The following ARHGEF28 variants were observed in gnomAD, a reference collection of about 807,000 sequenced individuals.
ARHGEF28 encodes Rho guanine nucleotide exchange factor 28.
A neutral mutation model predicts 206.6 loss-of-function variants in ARHGEF28; 152 were observed. The ratio of observed to expected loss-of-function variants is 0.74; its 90% confidence interval spans 0.64 to 0.84. The LOEUF (loss-of-function observed/expected upper bound fraction) is 0.84. Among genes scored for constraint, ARHGEF28 ranks in the 40% least tolerant of loss-of-function variants. The probability of loss-of-function intolerance (pLI) is 0.00; values close to 1 mark genes in which losing one functional copy is unlikely to be tolerated. For synonymous variants in ARHGEF28, 763 were observed against 776.4 expected, an observed-to-expected ratio of 0.98 and a Z score of 0.29; for missense variants, 2,028 against 2,073.2, an observed-to-expected ratio of 0.98 and a Z score of 0.42.
intron 30 of ARHGEF28, chr5:73,900,931 G>C (rs1292204405): frequency 2.8e-6 from 1 of 357,244 alleles, no homozygotes; most frequent in Non-Finnish European, 5.3e-6. Context: ...GTGCAAGAAA[G>C]AAAAGTACAA....
intron 1 of ARHGEF28, among the ~76,000 whole-genome samples, chr5:73,642,578 A>G (rs928492097): frequency 1.4e-4 from 21 of 150,282 alleles, no homozygotes; most frequent in African/African-American, 4.6e-4. Flanking sequence ...TCATTCGGTC[A>G]CTCCCAAGGA....
At chr5:73,893,539 T>C (rs986823393) in intron 28 of ARHGEF28, among the ~76,000 whole-genome samples, 2 of 152,220 alleles carry the variant, frequency 1.3e-5, no homozygotes, top group Non-Finnish European at 2.9e-5. Context: ...CTGTGGGCAG[T>C]GTGGTGCAGA....
intron 35 of ARHGEF28, among the ~76,000 whole-genome samples, chr5:73,913,043 T>C (rs1025013942): frequency 5.9e-5 from 9 of 152,246 alleles, no homozygotes; most frequent in African/African-American, 2.2e-4. Context: ...TTAAACCATT[T>C]GGCAGCATAC....
At chr5:73,671,742 T>A (rs867142578) in intron 1 of ARHGEF28, among the ~76,000 whole-genome samples, 86 of 16,280 alleles carry the variant, frequency 5.3e-3, no homozygotes, top group African/African-American at 0.014. Flanking sequence ...ATATATATTT[T>A]TTTTTTTTTT....
At chr5:73,911,948 A>G (rs1762932174) in intron 35 of ARHGEF28, among the ~76,000 whole-genome samples, 1 of 152,126 alleles carries the variant, frequency 6.6e-6, no homozygotes, top group South Asian at 2.1e-4. Context: ...ACTCAGAAAT[A>G]ATAACAGATA....
intron 9 of ARHGEF28, among the ~76,000 whole-genome samples, chr5:73,820,509 T>C (rs1332402493): frequency 1.3e-5 from 2 of 152,112 alleles, no homozygotes; most frequent in Non-Finnish European, 2.9e-5. Context: ...GAGTGCTTTA[T>C]TACTGGGTGT....
intron 26 of ARHGEF28, 66 bp from the exon 27 acceptor site, chr5:73,891,986 A>G (rs945457949): frequency 6.9e-7 from 1 of 1,446,420 alleles, no homozygotes; most frequent in South Asian, 1.4e-5. Context: ...CCTTTAGCTC[A>G]TGTTTTACGG....
At chr5:73,690,528 A>T (rs1402450237) in intron 2 of ARHGEF28, among the ~76,000 whole-genome samples, 18 of 143,536 alleles carry the variant, frequency 1.3e-4, no homozygotes. Flanking sequence ...GTCTTTACAA[A>T]AAAAAAAAAA....
intron 22 of ARHGEF28, among the ~76,000 whole-genome samples, chr5:73,880,154 G>A (rs879430574): frequency 4.6e-5 from 7 of 152,158 alleles, no homozygotes; most frequent in Non-Finnish European, 8.8e-5. Flanking sequence ...CCCCAGCCTC[G>A]CTGCAGACTT....
intron 2 of ARHGEF28, among the ~76,000 whole-genome samples, chr5:73,733,693 T>G (rs1750737256): frequency 6.6e-6 from 1 of 152,162 alleles, no homozygotes; most frequent in South Asian, 2.1e-4. Context: ...ATTTGACAAC[T>G]ATTACAGCAA....
chr5:73,833,813 T>C (rs1757442815), intron 10 of ARHGEF28, among the ~76,000 whole-genome samples: 1 of 152,082 alleles, frequency 6.6e-6, no homozygotes, highest in South Asian at 2.1e-4. Flanking sequence ...GAGTGCTGAG[T>C]GAAGAGGGAA....
chr5:73,760,588 AT>A (rs1752550554), intron 4 of ARHGEF28, among the ~76,000 whole-genome samples: 2 of 152,340 alleles, frequency 1.3e-5, no homozygotes, highest in South Asian at 4.1e-4. Flanking sequence ...GGCACTTGTT[AT>A]GATGGTAAAT....
At chr5:73,905,447 G>A (rs1762498268) in intron 33 of ARHGEF28, 1 of 152,116 alleles carries the variant, frequency 6.6e-6, no homozygotes, top group Non-Finnish European at 1.5e-5. Context: ...ATCTCGAAAG[G>A]ATATACATGC....
At chr5:73,823,830 A>C (rs1756736628) in intron 9 of ARHGEF28, among the ~76,000 whole-genome samples, 1 of 152,252 alleles carries the variant, frequency 6.6e-6, no homozygotes, top group Non-Finnish European at 1.5e-5. Flanking sequence ...GCAGAGAGCC[A>C]CCATTGATTA....
chr5:73,837,707 CTTT>C (rs1757735539), intron 10 of ARHGEF28, among the ~76,000 whole-genome samples: 7 of 149,084 alleles, frequency 4.7e-5, no homozygotes, highest in Admixed American at 6.7e-5. Flanking sequence ...CTCTTTCTTT[CTTT>C]CTTCCTTCCT....
chr5:73,645,864 C>T (rs1045360275), intron 1 of ARHGEF28, among the ~76,000 whole-genome samples: 1 of 151,916 alleles, frequency 6.6e-6, no homozygotes, highest in Non-Finnish European at 1.5e-5. Flanking sequence ...TCCTTTCCCC[C>T]CTCCTCCCCT....
intron 2 of ARHGEF28, among the ~76,000 whole-genome samples, chr5:73,694,915 AAAGT>A (rs1363989712): frequency 6.6e-6 from 1 of 152,386 alleles, no homozygotes; most frequent in East Asian, 1.9e-4. Flanking sequence ...TAGGAGACAG[AAAGT>A]AAGTAGGTAA....
At chr5:73,829,761 T>A (rs954461736) in intron 9 of ARHGEF28, among the ~76,000 whole-genome samples, 26 of 152,300 alleles carry the variant, frequency 1.7e-4, no homozygotes, top group Middle Eastern at 3.4e-3. Context: ...AGGTATTTTT[T>A]AAATTAATTT....
chr5:73,726,578 T>C (rs568384355), intron 2 of ARHGEF28, among the ~76,000 whole-genome samples: 18 of 152,200 alleles, frequency 1.2e-4, no homozygotes, highest in Non-Finnish European at 2.5e-4. Flanking sequence ...CAATACAGTA[T>C]ACGATGAACT....
Sources: allele counts gnomAD v4.1 joint callset (sites outside exome capture counted in the v4.1 genomes callset), GRCh38; gene constraint gnomAD v4.1.1; transcripts MANE v1.5; gene names NCBI Gene and HGNC (gene_info 2026-07-23, HGNC 2026-07-21).